VPS37A: variants seen among roughly 807,000 people sequenced by gnomAD.
VPS37A encodes VPS37A subunit of ESCRT-I.
In VPS37A, 30 loss-of-function variants were observed where a neutral mutation model predicts 49.8. That is an observed-to-expected ratio of 0.60 (90% CI 0.45 to 0.82). The LOEUF is 0.82. VPS37A is among the 40% of genes least tolerant of loss of function. The pLI is 0.00. For synonymous variants in VPS37A, 195 were observed against 160.6 expected, an observed-to-expected ratio of 1.21 and a Z score of -1.62; for missense variants, 593 against 464.4, an observed-to-expected ratio of 1.28 and a Z score of -2.55.
intron 1 of VPS37A, among the ~76,000 whole-genome samples, chr8:17,258,244 C>T (rs1812658082): frequency 1.3e-5 from 2 of 152,086 alleles, no homozygotes; most frequent in South Asian, 4.1e-4. Context: ...GAGGAAAGGC[C>T]TTCAGTTTTT....
chr8:17,254,029 T>C (rs1346046425), intron 1 of VPS37A, among the ~76,000 whole-genome samples: 1 of 152,222 alleles, frequency 6.6e-6, no homozygotes, highest in African/African-American at 2.4e-5. Flanking sequence ...GTTCTGATAT[T>C]ACATAAATTT....
At chr8:17,251,690 C>G (rs1005341460) in intron 1 of VPS37A, among the ~76,000 whole-genome samples, 3 of 152,186 alleles carry the variant, frequency 2.0e-5, no homozygotes, top group Admixed American at 1.3e-4. Flanking sequence ...AAATTATTAT[C>G]TTGCACACAG....
At chr8:17,265,557 C>T (rs1040072501) in intron 1 of VPS37A, among the ~76,000 whole-genome samples, 2 of 152,194 alleles carry the variant, frequency 1.3e-5, no homozygotes, top group African/African-American at 4.8e-5. Context: ...AGTTAAAACC[C>T]AGATGGATTG....
chr8:17,317,994 A>G, the VPS37A span, among the ~76,000 whole-genome samples: 4 of 152,248 alleles, frequency 2.6e-5, no homozygotes, highest in Non-Finnish European at 5.9e-5. Flanking sequence ...ACTGGAACAG[A>G]AACAAGAAAT....
intron 10 of VPS37A, among the ~76,000 whole-genome samples, chr8:17,285,852 A>G (rs1156352585): frequency 1.2e-4 from 19 of 152,212 alleles, no homozygotes; most frequent in Non-Finnish European, 2.5e-4. Flanking sequence ...ATAAAGGATC[A>G]GTGTTTTTTA....
intron 1 of VPS37A, among the ~76,000 whole-genome samples, chr8:17,265,339 A>G (rs546981952): frequency 6.6e-6 from 1 of 152,330 alleles, no homozygotes; most frequent in Admixed American, 6.5e-5. Context: ...ATTTAAGTCT[A>G]TAGCAACAAC....
At chr8:17,330,582 C>G in the VPS37A span, among the ~76,000 whole-genome samples, 3 of 152,216 alleles carry the variant, frequency 2.0e-5, no homozygotes, top group East Asian at 3.8e-4. Flanking sequence ...TAATCCATCT[C>G]TTTAATTTCC....
chr8:17,249,585 C>G (rs898707169), intron 1 of VPS37A, among the ~76,000 whole-genome samples: 5 of 152,254 alleles, frequency 3.3e-5, no homozygotes, highest in Non-Finnish European at 7.4e-5. Flanking sequence ...CAAAGAATGG[C>G]ACAATCCTGG....
In VPS37A at chr8:17,268,244, T is replaced by C. The variant is rs745393208; in HGVS notation, c.201-14T>C. 1.4e-5 allele frequency: 22 copies of C among 1,584,850 alleles called. No homozygotes were observed. Among genetic ancestry groups the C allele is most frequent in the Non-Finnish European group, 1.7e-5 (20 of 1,156,296 alleles). On this transcript the variant is annotated splice_polypyrimidine_tract_variant and intron_variant, in intron 2 of 11. Coordinates refer to ENST00000324849, the MANE Select transcript of VPS37A (RefSeq NM_152415.3). ...ATCTTTGTTTTTGTTTTTCATCTGT[T>C]CTACCTCTACCAGATTGCTTCCTCC... is the stretch of plus-strand genomic sequence containing the variant.
At chr8:17,252,236 G>A (rs1043344499) in intron 1 of VPS37A, among the ~76,000 whole-genome samples, 1 of 152,116 alleles carries the variant, frequency 6.6e-6, no homozygotes, top group Non-Finnish European at 1.5e-5. Context: ...GCAGTGGCAC[G>A]ATCACAGCTT....
chr8:17,315,190 CAG>C, the VPS37A span, among the ~76,000 whole-genome samples: 1 of 152,096 alleles, frequency 6.6e-6, no homozygotes, highest in African/African-American at 2.4e-5. Flanking sequence ...TGAAAAGACA[CAG>C]AGGGAAGTTA....
chr8:17,311,775 C>A, the VPS37A span: 16 of 1,338,868 alleles, frequency 1.2e-5, no homozygotes, highest in African/African-American at 1.6e-4. Context: ...CTGTTTAGGG[C>A]CCCCCCTAAT....
chr8:17,316,926 T>C, the VPS37A span, among the ~76,000 whole-genome samples: 1 of 152,170 alleles, frequency 6.6e-6, no homozygotes, highest in African/African-American at 2.4e-5. Context: ...ACTGCCAAAT[T>C]GCTCTTGAAA....
At position 17,274,800 on chromosome 8, in the gene VPS37A, C is replaced by A; in HGVS notation, c.484C>A (p.Pro162Thr). The A allele has an allele frequency of 6.2e-7, 1 of 1,614,140 alleles. No individual in the cohort carries two copies. The highest frequency in any genetic ancestry group is 8.5e-7 in the Non-Finnish European group (1 of 1,180,022). The change falls in exon 5 of 12, where the codon CCT (proline) becomes ACT (threonine). Residue 162 changes from proline (P) to threonine (T), a missense_variant. By Grantham distance (38) the Pro-to-Thr change is conservative (BLOSUM62 -1). Coordinates refer to ENST00000324849, the MANE Select transcript of VPS37A (RefSeq NM_152415.3). ...GGGTTTTCCATTTCTTCCTCCATAT[C>A]CTCCACAAGAAGCAAACAGGAGTAT... ...SQGFPFLPPY[P>T]PQEANRSITS...
At chr8:17,322,784 C>G in the VPS37A span, among the ~76,000 whole-genome samples, 7 of 152,072 alleles carry the variant, frequency 4.6e-5, no homozygotes, top group African/African-American at 1.7e-4. Context: ...ACAGTTGCAT[C>G]ACTGCACTTC....
the VPS37A span, chr8:17,331,321 T>G: frequency 1.3e-6 from 2 of 1,544,694 alleles, no homozygotes; most frequent in Non-Finnish European, 1.7e-6. Context: ...ATCAATTACA[T>G]TGATGAAACA....
chr8:17,302,232 T>C, downstream of VPS37A: 2 of 1,614,120 alleles, frequency 1.2e-6, no homozygotes, highest in Middle Eastern at 1.7e-4. Flanking sequence ...TAACTGACTG[T>C]CGGGGCTGCA....
At chr8:17,308,118 G>C in the VPS37A span, among the ~76,000 whole-genome samples, 3 of 151,924 alleles carry the variant, frequency 2.0e-5, no homozygotes, top group Admixed American at 2.0e-4. Flanking sequence ...TTTGCATAAA[G>C]GGAATTTTAG....
chr8:17,322,051 G>T, the VPS37A span, among the ~76,000 whole-genome samples: 1 of 152,150 alleles, frequency 6.6e-6, no homozygotes, highest in Non-Finnish European at 1.5e-5. Context: ...TGTGGGGTTG[G>T]TCTTTCTTGT....
Sources: allele counts gnomAD v4.1 joint callset (sites outside exome capture counted in the v4.1 genomes callset), GRCh38; gene constraint gnomAD v4.1.1; transcripts MANE v1.5; gene names NCBI Gene and HGNC (gene_info 2026-07-23, HGNC 2026-07-21).